The following MYCBP variants were observed in gnomAD, a reference collection of about 807,000 sequenced individuals.
MYCBP encodes C-Myc-binding protein.
A neutral mutation model predicts 16.8 loss-of-function variants in MYCBP; 5 were observed. The observed-to-expected ratio is 0.30, with a 90% CI of 0.16 to 0.63. MYCBP has a LOEUF of 0.63. Among genes scored for constraint, MYCBP ranks in the 20% least tolerant of loss-of-function variants. MYCBP has a pLI of 0.83. For synonymous variants in MYCBP, 35 were observed against 43.7 expected, an observed-to-expected ratio of 0.80 and a Z score of 0.79; for missense variants, 103 against 121.8, an observed-to-expected ratio of 0.85 and a Z score of 0.73.
In MYCBP at chr1:38,864,533, T is replaced by A; in HGVS notation, c.*137A>T. 1.1e-6 allele frequency: 1 copy of A among 893,406 alleles called. No homozygotes were observed. Among genetic ancestry groups the A allele is most frequent in the South Asian group, 1.5e-5 (1 of 65,992 alleles). The allele number at this position is 893,406 out of a possible 1,614,324, so 55.3% of individuals were successfully genotyped here. A position where few individuals can be genotyped will look rare whatever the true frequency, so the allele number is the denominator to read the frequency against. On this transcript the variant is annotated 3_prime_UTR_variant, in exon 5 of 5. Coordinates refer to ENST00000397572, the MANE Select transcript of MYCBP (RefSeq NM_012333.5). ...GAGTTTTTATTGATGATTCTATGTG[T>A]TTTTAACAGAGTGTGATAGGTGAAT...
chr1:38,871,566 C>T (rs978517520), intron 2 of MYCBP, among the ~76,000 whole-genome samples: 4 of 150,526 alleles, frequency 2.7e-5, no homozygotes, highest in Admixed American at 6.6e-5. Context: ...CAGGCACACA[C>T]CATGCCCAGC....
Position 38,866,986 on chromosome 1 carries a change from G to A in MYCBP, c.161C>T (p.Ala54Val). The A allele has an allele frequency of 6.2e-7, 1 of 1,611,106 alleles. No individual in the cohort carries two copies. Among genetic ancestry groups the A allele is most frequent in the Non-Finnish European group, 8.5e-7 (1 of 1,178,444 alleles). Residue 54 changes from alanine to valine, a missense_variant, in exon 4 of 5, where the codon GCT becomes GTT. Physicochemically the swap from Ala to Val is moderately conservative, Grantham distance 64. Transcript: ENST00000397572. ...ALDFLKHHLG[A>V]ATPENPEIEL... ...TATTTCTGGATTTTCTGGAGTAGCA[G>A]CTCCTAAGTGATGCTTTAAAAAACT...
intron 1 of MYCBP, 84 bp from the exon 2 acceptor site, chr1:38,873,174 C>T: frequency 6.4e-7 from 1 of 1,553,934 alleles, no homozygotes. Flanking sequence ...CCCGCCTCCG[C>T]CTCACTACCT....
intron 2 of MYCBP, among the ~76,000 whole-genome samples, chr1:38,871,427 CTT>C (rs71573793): frequency 1.1e-3 from 126 of 110,578 alleles, no homozygotes; most frequent in African/African-American, 2.7e-3. Flanking sequence ...CCACCTGTCA[CTT>C]TTTTTTTTTT....
At chr1:38,871,246 C>G (rs1642459324) in intron 2 of MYCBP, among the ~76,000 whole-genome samples, 1 of 152,066 alleles carries the variant, frequency 6.6e-6, no homozygotes, top group Admixed American at 6.6e-5. Context: ...CAGTTACCGC[C>G]TACAACTGTC....
Position 38,866,868 on chromosome 1 carries a change from T to C in MYCBP, c.267+12A>G. On this transcript the variant is annotated intron_variant, in intron 4 of 4. Coordinates refer to ENST00000397572, the MANE Select transcript of MYCBP (RefSeq NM_012333.5). The stretch of plus-strand genomic sequence containing the variant: ...AAAATTATTTGAATATGAATTCTTT[T>C]TAAAAATTTACCTTTGCTTTCAGTT... The C allele has an allele frequency of 6.7e-7, 1 of 1,494,984 alleles. No individual in the cohort carries two copies. Among genetic ancestry groups the C allele is most frequent in the Middle Eastern group, 2.2e-4 (1 of 4,586 alleles). The allele number at this position is 1,494,984 out of a possible 1,614,324, so 92.6% of individuals were successfully genotyped here. A position where few individuals can be genotyped will look rare whatever the true frequency, so the allele number is the denominator to read the frequency against.
At position 38,867,583 on chromosome 1, in the gene MYCBP, T is replaced by G; in HGVS notation, c.116A>C (p.Glu39Ala). The G allele has an allele frequency of 6.2e-7, 1 of 1,613,876 alleles. No homozygotes were observed. Among genetic ancestry groups the G allele is most frequent in the Non-Finnish European group, 8.5e-7 (1 of 1,179,946 alleles). ...KVLVALYEEP[E>A]KPNSALDFLK... is the part of the protein sequence containing the mutation. ...ATACTCCAAAGCACTGTTAGGTTTC[T>G]CTGGTTCTTCATATAAGGCTACCAA... Residue 39 changes from glutamate (E) to alanine (A), a missense_variant, in exon 3 of 5, where the codon GAG becomes GCG. By Grantham distance (107) the Glu-to-Ala change is moderately radical. Transcript: ENST00000397572.
At chr1:38,867,998 A>G (rs1241564227) in intron 2 of MYCBP, among the ~76,000 whole-genome samples, 1 of 152,232 alleles carries the variant, frequency 6.6e-6, no homozygotes, top group Non-Finnish European at 1.5e-5. Flanking sequence ...AGGAACTGAA[A>G]ATTCAAGTAT....
chr1:38,866,905 T>G lies in MYCBP; in HGVS notation c.242A>C (p.Glu81Ala). ...CTTTGCTTTCAGTTTTTTATTTTCT[T>G]CTACAATAGCTTCATACTTCTCTTT... ...EMKEKYEAIV[E>A]ENKKLKAKLA... Residue 81 changes from glutamate to alanine, a missense_variant, in exon 4 of 5, where the codon GAA becomes GCA. Physicochemically the swap from Glu to Ala is moderately radical, Grantham distance 107. Coordinates refer to ENST00000397572, the MANE Select transcript of MYCBP (RefSeq NM_012333.5). The G allele has an allele frequency of 1.3e-6, 2 of 1,565,984 alleles. No individual in the cohort carries two copies. Among genetic ancestry groups the G allele is most frequent in the Non-Finnish European group, 1.7e-6 (2 of 1,157,826 alleles).
At chr1:38,873,200 C>A in intron 1 of MYCBP, 91 bp downstream of exon 1, 1 of 1,567,492 alleles carries the variant, frequency 6.4e-7, no homozygotes, top group Non-Finnish European at 8.6e-7. Context: ...CCCTCCCGCC[C>A]AAACCTGCGC....
At chr1:38,870,114 G>A (rs1331389647) in intron 2 of MYCBP, among the ~76,000 whole-genome samples, 1 of 146,742 alleles carries the variant, frequency 6.8e-6, no homozygotes, top group Non-Finnish European at 1.5e-5. Context: ...AGCTTGCAGT[G>A]AGCAGAGATC....
intron 2 of MYCBP, 31 bp downstream of exon 2, chr1:38,872,987 C>T: frequency 6.4e-7 from 1 of 1,554,814 alleles, no homozygotes; most frequent in Non-Finnish European, 8.7e-7. Flanking sequence ...ACGACGAGGG[C>T]ACGAGGTACC....
In MYCBP at chr1:38,862,575, A is replaced by G. The variant is rs1642264874; in HGVS notation, c.*2095T>C. On this transcript the variant is annotated 3_prime_UTR_variant, in exon 5 of 5. Transcript: ENST00000397572. ...TGTGAAGTCGATATTTTATAGACAAAGCAGCTGAAGCATAATAGGAGCTTA... is the reference window on the plus strand; with the variant it reads ...TGTGAAGTCGATATTTTATAGACAAGGCAGCTGAAGCATAATAGGAGCTTA... 6.6e-6 allele frequency among the ~76,000 whole-genome samples: 1 copy of G among 152,258 alleles called. No individual in the cohort carries two copies. The highest frequency in any genetic ancestry group is 2.4e-5 in the African/African-American group (1 of 41,470).
At chr1:38,866,244 C>G (rs1291820831) in intron 4 of MYCBP, among the ~76,000 whole-genome samples, 3 of 151,458 alleles carry the variant, frequency 2.0e-5, no homozygotes, top group Non-Finnish European at 2.9e-5. Flanking sequence ...GACGGGGTTT[C>G]TCCATGCTGG....
chr1:38,870,893 A>C (rs1642450501), intron 2 of MYCBP, among the ~76,000 whole-genome samples: 1 of 151,632 alleles, frequency 6.6e-6, no homozygotes, highest in South Asian at 2.1e-4. Flanking sequence ...AAATCACATC[A>C]ATACTGTGTT....
At position 38,864,007 on chromosome 1, in the gene MYCBP, A is replaced by G. The variant is rs1271997191; in HGVS notation, c.*663T>C. The G allele has an allele frequency of 6.5e-6, 1 of 152,852 alleles. No individual in the cohort carries two copies. Among genetic ancestry groups the G allele is most frequent in the African/African-American group, 2.4e-5 (1 of 41,466 alleles). The allele number at this position is 152,852 out of a possible 1,614,324, so 9.5% of individuals were successfully genotyped here. A position where few individuals can be genotyped will look rare whatever the true frequency, so the allele number is the denominator to read the frequency against. On this transcript the variant is annotated 3_prime_UTR_variant, in exon 5 of 5. Coordinates refer to ENST00000397572, the MANE Select transcript of MYCBP (RefSeq NM_012333.5). ...GTAACTGCTATTATTAGGCAAATTG[A>G]AAAACAGCACAGAAAGGCCAGTGTG...
Position 38,866,962 on chromosome 1 carries a change from A to T in MYCBP, c.185T>A (p.Ile62Lys). Residue 62 changes from isoleucine to lysine, a missense_variant, in exon 4 of 5, where the codon ATA becomes AAA. Coordinates refer to ENST00000397572, the MANE Select transcript of MYCBP (RefSeq NM_012333.5). The stretch of plus-strand genomic sequence containing the variant: ...GGCCAGTTCTAGGCGAAGCAGCTCT[A>T]TTTCTGGATTTTCTGGAGTAGCAGC... ...LGAATPENPEIELLRLELAEM... is the reference protein window; with the variant it reads ...LGAATPENPEKELLRLELAEM... The T allele has an allele frequency of 1.2e-6, 2 of 1,610,668 alleles. No individual in the cohort carries two copies. Among genetic ancestry groups the T allele is most frequent in the Non-Finnish European group, 1.7e-6 (2 of 1,178,308 alleles).
Position 38,866,989 on chromosome 1 carries a change from C to T in MYCBP, c.158G>A (p.Gly53Glu), listed in dbSNP as rs1642355628. 4 of 1,611,324 alleles carry T rather than the reference C, an allele frequency of 2.5e-6. No individual in the cohort carries two copies. Among genetic ancestry groups the T allele is most frequent in the Non-Finnish European group, 3.4e-6 (4 of 1,178,616 alleles). Residue 53 changes from glycine (G) to glutamate (E), a missense_variant, in exon 4 of 5, where the codon GGA becomes GAA. By Grantham distance (98) the Gly-to-Glu change is moderately conservative. Transcript: ENST00000397572. ...TTCTGGATTTTCTGGAGTAGCAGCT[C>T]CTAAGTGATGCTTTAAAAAACTATT... ...SALDFLKHHLGAATPENPEIE... is the reference protein window; with the variant it reads ...SALDFLKHHLEAATPENPEIE...
chr1:38,873,172 CG>C, intron 1 of MYCBP, 82 bp from the exon 2 acceptor site: 1 of 1,553,394 alleles, frequency 6.4e-7, no homozygotes, highest in Non-Finnish European at 8.7e-7. Flanking sequence ...ACCCCGCCTC[CG>C]CCTCACTACC....
Sources: allele counts gnomAD v4.1 joint callset (sites outside exome capture counted in the v4.1 genomes callset), GRCh38; gene constraint gnomAD v4.1.1; transcripts MANE v1.5; gene names NCBI Gene and HGNC (gene_info 2026-07-23, HGNC 2026-07-21).